Variants in BRIP1 observed in about 807,000 individuals in gnomAD.
BRIP1 encodes the protein Fanconi anemia group J protein.
BRIP1 carries 88 observed loss-of-function variants against 119.7 expected under a neutral mutation model. That is an observed-to-expected ratio of 0.74 (90% CI 0.62 to 0.88). The LOEUF (loss-of-function observed/expected upper bound fraction) is 0.88. BRIP1 is among the 40% of genes least tolerant of loss of function. The pLI is 0.00. For synonymous variants in BRIP1, 443 were observed against 496.5 expected (o/e 0.89, Z 1.43); for missense variants, 1,259 against 1,455.4 (o/e 0.87, Z 2.20).
chr17:61,786,840 AT>A lies in BRIP1; in HGVS notation c.1474-2417del, dbSNP rs1373408027. ...TATATAAATATATTTTATATAATATATTTATATAAAATATATATTCATATAT... is the reference window on the plus strand; with the variant it reads ...TATATAAATATATTTTATATAATATATTATATAAAATATATATTCATATAT... On this transcript the variant is annotated intron_variant, in intron 10 of 19. Transcript: ENST00000259008. Among the ~76,000 whole-genome samples the A allele has an allele frequency of 8.9e-4, 113 of 127,336 alleles. 1 individual carries two copies. The highest frequency in any genetic ancestry group is 2.7e-3 in the African/African-American group (93 of 33,976). The allele number at this position is 127,336 out of a possible 152,430, so 83.5% of individuals were successfully genotyped here.
chr17:61,683,273 CT>C lies in BRIP1; in HGVS notation c.*22del, dbSNP rs755091088. On this transcript the variant is annotated 3_prime_UTR_variant, in exon 20 of 20. Transcript: ENST00000259008. This position sits in a 1 kb window ranked among gnomAD's most constrained non-coding sequence, Gnocchi z 4.7. ...ACATAAGCATGATGACATATTTTTACTTAGCTTGAGAGTTAAGTATTATTAC... is the reference window on the plus strand; with the variant it reads ...ACATAAGCATGATGACATATTTTTACTAGCTTGAGAGTTAAGTATTATTAC... The C allele has an allele frequency of 6.3e-7, 1 of 1,595,798 alleles. No individual in the cohort carries two copies. The highest frequency in any genetic ancestry group is 1.1e-5 in the South Asian group (1 of 89,362).
Position 61,686,106 on chromosome 17 carries a change from C to T in BRIP1, c.2635G>A (p.Glu879Lys), listed in dbSNP as rs1391013628. The change falls in exon 19 of 20, where the codon GAA becomes AAA. Residue 879 changes from glutamate to lysine, a missense_variant. Physicochemically the swap from Glu to Lys is moderately conservative, Grantham distance 56. Transcript: ENST00000259008. This position sits in a 1 kb window ranked among gnomAD's most constrained non-coding sequence, Gnocchi z 5.4. ...QHHSTFESAL[E>K]SLAEFSKKHQ... ...TTTTTGGAAAATTCAGCCAAGGATT[C>T]CAGTGCACTTTCAAAGGTTGAATGG... 1 of 1,614,008 alleles carries T rather than the reference C, an allele frequency of 6.2e-7. No homozygotes were observed. The highest frequency in any genetic ancestry group is 8.5e-7 in the Non-Finnish European group (1 of 1,179,928).
Position 61,780,297 on chromosome 17 carries a change from G to T in BRIP1, c.1899C>A (p.Ile633=), listed in dbSNP as rs28997572. ...TAATGATATGATTAGCCTCCAGCTG[G>T]ATAGTAAATGTAACACCAAGTTCTG... is the stretch of plus-strand genomic sequence containing the variant. The part of the protein sequence containing the change: ...FSSELGVTFT[I]QLEANHIIKN... Residue 633 remains isoleucine, a synonymous_variant, in exon 13 of 20, where the codon ATC becomes ATA. Coordinates refer to ENST00000259008, the MANE Select transcript of BRIP1 (RefSeq NM_032043.3). This position sits in a 1 kb window ranked among gnomAD's most constrained non-coding sequence, Gnocchi z 5.4. The T allele has an allele frequency of 6.2e-7, 1 of 1,613,544 alleles. No homozygotes were observed.
rs35235448 is a variant in BRIP1 at position 61,680,181 on chromosome 17, T to TAA, written c.*3113_*3114dup. On this transcript the variant is annotated 3_prime_UTR_variant, in exon 20 of 20. Transcript: ENST00000259008. ...AACATGGTGAAACCCTGTCGATACT[T>TAA]AAAAAAAAAAAAAAAAAAAAATTAG... Among the ~76,000 whole-genome samples, 556 of 127,916 alleles carry TAA rather than the reference T, an allele frequency of 4.3e-3. 3 individuals carry two copies. The highest frequency in any genetic ancestry group is 0.015 in the African/African-American group (515 of 34,476). 83.9% of individuals were successfully genotyped at this position (127,916 alleles called of 152,430 possible). A position where few individuals can be genotyped will look rare whatever the true frequency, so the allele number is the denominator to read the frequency against.
At position 61,784,415 on chromosome 17, in the gene BRIP1, A is replaced by G. The variant is rs1555603617; in HGVS notation, c.1483T>C (p.Ser495Pro). 1 of 1,612,496 alleles carries G rather than the reference A, an allele frequency of 6.2e-7. No individual in the cohort carries two copies. The highest frequency in any genetic ancestry group is 1.3e-5 in the African/African-American group (1 of 74,900). Residue 495 changes from serine to proline, a missense_variant, in exon 11 of 20, where the codon TCT becomes CCT. This residue lies in a region of BRIP1 where 753 missense variants were observed against 891.8 expected (regional missense o/e 0.84). Coordinates refer to ENST00000259008, the MANE Select transcript of BRIP1 (RefSeq NM_032043.3). ...ATFPILQGHF[S>P]AVLQKEEKIS... ...TTTTCCTCTTTTTGAAGAACAGCAG[A>G]AAAATGTCCCTATAAGAAATTACCA...
rs965415335 is a variant in BRIP1, at chr17:61,760,467, G to C, written c.2098-15876C>G. Among the ~76,000 whole-genome samples the C allele has an allele frequency of 2.0e-5, 3 of 151,472 alleles. No homozygotes were observed. Among genetic ancestry groups the C allele is most frequent in the African/African-American group, 7.3e-5 (3 of 41,282 alleles). ...GAATAAATAAATAAAGTAGAGACTAGGAAAACAACACAAAGATCAACAAAA... is the reference window on the plus strand; with the variant it reads ...GAATAAATAAATAAAGTAGAGACTACGAAAACAACACAAAGATCAACAAAA... On this transcript the variant is annotated intron_variant, in intron 14 of 19. Coordinates refer to ENST00000259008, the MANE Select transcript of BRIP1 (RefSeq NM_032043.3). This position sits in a 1 kb window ranked among gnomAD's most constrained non-coding sequence, Gnocchi z 4.6.
chr17:61,717,469 T>A lies in BRIP1; in HGVS notation c.2380-1406A>T, dbSNP rs1008597417. On this transcript the variant is annotated intron_variant, in intron 16 of 19. Transcript: ENST00000259008. This position sits in a 1 kb window ranked among gnomAD's most constrained non-coding sequence, Gnocchi z 4.1. Reference sequence around the variant, plus strand: ...TTTTCTTTTTCTGAAAAGACTTCACTATCTTCATTTTTAAGAGATTGTCCC... The same window carrying A: ...TTTTCTTTTTCTGAAAAGACTTCACAATCTTCATTTTTAAGAGATTGTCCC... Among the ~76,000 whole-genome samples the A allele has an allele frequency of 3.3e-5, 5 of 152,250 alleles. 1 individual carries two copies. The South Asian group carries it at 1.0e-3, about 32-fold the overall frequency.
intron 17 of BRIP1, among the ~76,000 whole-genome samples, chr17:61,714,571 T>A (rs1436186300): frequency 6.6e-6 from 1 of 152,216 alleles, no homozygotes; most frequent in African/African-American, 2.4e-5. Flanking sequence ...CATTTTATAA[T>A]GTTCCCACAA....
intron 6 of BRIP1, among the ~76,000 whole-genome samples, chr17:61,813,646 C>T (rs761710118): frequency 5.3e-5 from 8 of 151,990 alleles, no homozygotes; most frequent in African/African-American, 1.2e-4. Context: ...GTATTTTAGT[C>T]GTGACAAACA....
intron 10 of BRIP1, among the ~76,000 whole-genome samples, chr17:61,792,170 T>G (rs2145225129): frequency 6.6e-6 from 1 of 152,260 alleles, no homozygotes; most frequent in Non-Finnish European, 1.5e-5. Context: ...AGCCTCAAAT[T>G]CCTGGGTTCA....
At chr17:61,782,141 TTTGGGAGGCCGA>T (rs1342219560) in intron 11 of BRIP1, among the ~76,000 whole-genome samples, 2 of 151,632 alleles carry the variant, frequency 1.3e-5, no homozygotes, top group Non-Finnish European at 2.9e-5. Flanking sequence ...ATCCCAGCAC[TTTGGGAGGCCGA>T]GGTGGGCGGA....
rs1435167868 is a variant in BRIP1 at position 61,690,859 on chromosome 17, T to C, written c.2575+2571A>G. Among the ~76,000 whole-genome samples the C allele has an allele frequency of 6.6e-6, 1 of 152,052 alleles. No homozygotes were observed. The highest frequency in any genetic ancestry group is 1.5e-5 in the Non-Finnish European group (1 of 67,998). On this transcript the variant is annotated intron_variant, in intron 18 of 19. Transcript: ENST00000259008. This position sits in a 1 kb window ranked among gnomAD's most constrained non-coding sequence, Gnocchi z 5.6. Reference sequence around the variant, plus strand: ...TAAAGTTGCAGAATACAAAAATCAATGTACAACAATCACTTGCAATTCTAT... The same window carrying C: ...TAAAGTTGCAGAATACAAAAATCAACGTACAACAATCACTTGCAATTCTAT...
At position 61,769,284 on chromosome 17, in the gene BRIP1, G is replaced by A. The variant is rs1032287058; in HGVS notation, c.2097+7117C>T. Among the ~76,000 whole-genome samples the A allele has an allele frequency of 3.9e-5, 6 of 152,070 alleles. No homozygotes were observed. Among genetic ancestry groups the A allele is most frequent in the Admixed American group, 1.3e-4 (2 of 15,254 alleles). ...AGATGATAAATGTGTACTGTTTTAC[G>A]GTGCTAATTTTGTGGTAATTTGTTA... is the stretch of plus-strand genomic sequence containing the variant. On this transcript the variant is annotated intron_variant, in intron 14 of 19. Coordinates refer to ENST00000259008, the MANE Select transcript of BRIP1 (RefSeq NM_032043.3). The surrounding 1 kb of genome is among the most constrained non-coding windows in gnomAD (Gnocchi z 4.9).
rs1359108630 is a variant in BRIP1 at position 61,802,932 on chromosome 17, T to C, written c.919-1458A>G. ...TTATCAACACTGGTGTTATCTTTTG[T>C]TATCTCTATCTTAAAAGTAAAAAAT... On this transcript the variant is annotated intron_variant, in intron 7 of 19. Transcript: ENST00000259008. The surrounding 1 kb of genome is among the most constrained non-coding windows in gnomAD (Gnocchi z 6.0). 1.3e-5 allele frequency among the ~76,000 whole-genome samples: 2 copies of C among 152,250 alleles called. No individual in the cohort carries two copies. Among genetic ancestry groups the C allele is most frequent in the African/African-American group, 2.4e-5 (1 of 41,472 alleles).
chr17:61,820,367 C>T (rs775985728), intron 6 of BRIP1, among the ~76,000 whole-genome samples: 1 of 152,168 alleles, frequency 6.6e-6, no homozygotes, highest in Non-Finnish European at 1.5e-5. Flanking sequence ...TTTTGAATGG[C>T]TACACAGAGT....
chr17:61,787,667 C>CA (rs2077751563), intron 10 of BRIP1, among the ~76,000 whole-genome samples: 1 of 151,484 alleles, frequency 6.6e-6, no homozygotes, highest in Non-Finnish European at 1.5e-5. Context: ...TTTTTTGAGA[C>CA]AGAGTCTCGC....
intron 17 of BRIP1, among the ~76,000 whole-genome samples, chr17:61,694,781 T>C (rs1242050899): frequency 6.6e-6 from 1 of 152,010 alleles, no homozygotes; most frequent in East Asian, 1.9e-4. Context: ...ACCAATGATG[T>C]TGAACATCAT....
intron 19 of BRIP1, 107 bp downstream of exon 19, chr17:61,685,729 A>T: frequency 9.6e-7 from 1 of 1,043,734 alleles, no homozygotes; most frequent in Non-Finnish European, 1.4e-6. Context: ...ACCTTATATT[A>T]CAAACCACCA....
In BRIP1 at chr17:61,825,402, G is replaced by A. The variant is rs2078390668; in HGVS notation, c.628-16645C>T. 6.6e-6 allele frequency among the ~76,000 whole-genome samples: 1 copy of A among 151,888 alleles called. No individual in the cohort carries two copies. Among genetic ancestry groups the A allele is most frequent in the African/African-American group, 2.4e-5 (1 of 41,312 alleles). On this transcript the variant is annotated intron_variant, in intron 6 of 19. Transcript: ENST00000259008. This position sits in a 1 kb window ranked among gnomAD's most constrained non-coding sequence, Gnocchi z 4.1. ...AATCTGACAAGAGAAAGAAATAAAG[G>A]GCATCCAAATAGGAAGAGAGGAAGT...
Sources: gnomAD v4.1 joint callset for allele counts (sites outside exome capture counted in the v4.1 genomes callset) on GRCh38, gnomAD v4.1.1 for gene constraint, gnomAD v4.1.1 regional missense constraint, Gnocchi (gnomAD v3.1) non-coding constraint, MANE v1.5 for transcripts, NCBI Gene and HGNC (gene_info 2026-07-23, HGNC 2026-07-21) for gene names.